Variants in NTM observed in about 807,000 individuals in gnomAD.
The protein encoded by NTM is neurotrimin, also known as IgLON family member 2.
In NTM, 13 loss-of-function variants were observed where a neutral mutation model predicts 42.1. The ratio of observed to expected loss-of-function variants is 0.31; its 90% confidence interval spans 0.20 to 0.49. The LOEUF is 0.49. NTM is among the 20% of genes least tolerant of loss of function. The pLI, the probability that NTM is intolerant of heterozygous loss-of-function variation, is 0.99. For synonymous variants in NTM, 187 were observed against 179.2 expected (o/e 1.04, Z -0.35); for missense variants, 373 against 452.8 (o/e 0.82, Z 1.60).
chr11:132,276,443 TG>T (rs34643009), intron 4 of NTM, among the ~76,000 whole-genome samples: 1 of 152,208 alleles, frequency 6.6e-6, no homozygotes. Flanking sequence ...GCTTGGCTTT[TG>T]GGGGGTGTCT....
At chr11:131,575,787 C>G (rs1356670405) in intron 1 of NTM, among the ~76,000 whole-genome samples, 2 of 152,088 alleles carry the variant, frequency 1.3e-5, no homozygotes, top group Admixed American at 1.3e-4. Flanking sequence ...ACCTGCAGCG[C>G]TTGGATGGCA....
chr11:131,854,613 C>T (rs373793589), intron 1 of NTM, among the ~76,000 whole-genome samples: 1 of 152,218 alleles, frequency 6.6e-6, no homozygotes, highest in African/African-American at 2.4e-5. Context: ...GTGCTTGGAG[C>T]CCAGTGTGGG....
At chr11:131,861,980 C>T (rs1044844793) in intron 1 of NTM, among the ~76,000 whole-genome samples, 1 of 152,176 alleles carries the variant, frequency 6.6e-6, no homozygotes, top group South Asian at 2.1e-4. Context: ...GGGGAGGCAT[C>T]CAGCTCACCT....
chr11:131,914,990 C>T (rs2056041128), intron 2 of NTM, among the ~76,000 whole-genome samples: 1 of 152,148 alleles, frequency 6.6e-6, no homozygotes, highest in Non-Finnish European at 1.5e-5. Flanking sequence ...ATGAAGGTGG[C>T]ACAGCTAGGA....
intron 2 of NTM, among the ~76,000 whole-genome samples, chr11:132,082,694 T>G (rs943556388): frequency 1.3e-5 from 2 of 152,186 alleles, no homozygotes; most frequent in Non-Finnish European, 2.9e-5. Flanking sequence ...AGGACAAGGA[T>G]GAAGACTGAT....
intron 1 of NTM, among the ~76,000 whole-genome samples, chr11:131,832,101 C>A (rs78463984): frequency 0.046 from 6,938 of 151,174 alleles, 548 homozygotes; most frequent in African/African-American, 0.16. Flanking sequence ...CCAAAACCTA[C>A]TCAAACTCCC....
intron 3 of NTM, among the ~76,000 whole-genome samples, chr11:132,208,850 C>A (rs1275720007): frequency 6.6e-6 from 1 of 152,142 alleles, no homozygotes; most frequent in African/African-American, 2.4e-5. Context: ...GTGACATAAT[C>A]CCTTGCAGAG....
intron 2 of NTM, among the ~76,000 whole-genome samples, chr11:131,999,601 C>T (rs552722534): frequency 7.2e-5 from 11 of 152,190 alleles, no homozygotes; most frequent in African/African-American, 1.7e-4. Context: ...GGAAAAGGGA[C>T]GCAGTCTTTG....
intron 2 of NTM, among the ~76,000 whole-genome samples, chr11:132,106,278 CCT>C (rs1346988957): frequency 1.3e-5 from 2 of 152,228 alleles, no homozygotes; most frequent in African/African-American, 4.8e-5. Context: ...CTCTTCCCGC[CCT>C]CTCTTTCCTT....
intron 1 of NTM, among the ~76,000 whole-genome samples, chr11:131,592,915 G>T (rs1371684535): frequency 1.3e-5 from 2 of 152,040 alleles, no homozygotes; most frequent in Non-Finnish European, 2.9e-5. Context: ...CCAATCTCCG[G>T]CCACGTCTGG....
At chr11:131,516,304 C>T (rs2048882493) in intron 1 of NTM, among the ~76,000 whole-genome samples, 1 of 152,186 alleles carries the variant, frequency 6.6e-6, no homozygotes, top group South Asian at 2.1e-4. Flanking sequence ...GCGTGTAGTA[C>T]ATTTCTAGGG....
At chr11:132,324,521 G>C (rs1040911531) in intron 7 of NTM, among the ~76,000 whole-genome samples, 9 of 151,856 alleles carry the variant, frequency 5.9e-5, no homozygotes, top group African/African-American at 2.2e-4. Flanking sequence ...TGAAATCAAA[G>C]AGGATACAAA....
intron 1 of NTM, among the ~76,000 whole-genome samples, chr11:131,687,817 C>T (rs2074100126): frequency 1.3e-5 from 2 of 152,220 alleles, no homozygotes; most frequent in African/African-American, 4.8e-5. Flanking sequence ...TCCTCCCTGG[C>T]CTCTGCTGTA....
chr11:131,769,999 C>G (rs78008015), intron 1 of NTM, among the ~76,000 whole-genome samples: 195 of 152,278 alleles, frequency 1.3e-3, no homozygotes, highest in African/African-American at 4.5e-3. Context: ...GCTGACCAGT[C>G]AGGCAGATCT....
At chr11:132,147,487 A>C (rs1249379314) in intron 3 of NTM, among the ~76,000 whole-genome samples, 2 of 152,168 alleles carry the variant, frequency 1.3e-5, no homozygotes, top group Admixed American at 1.3e-4. Context: ...AAACGTACTG[A>C]CATAGAAAAC....
intron 2 of NTM, among the ~76,000 whole-genome samples, chr11:132,119,321 A>G (rs2064380133): frequency 6.7e-6 from 1 of 149,786 alleles, no homozygotes; most frequent in African/African-American, 2.5e-5. Context: ...CACACTGTGC[A>G]GTAAGAAAAA....
intron 4 of NTM, among the ~76,000 whole-genome samples, chr11:132,285,834 C>T (rs538219449): frequency 2.6e-5 from 4 of 152,326 alleles, no homozygotes; most frequent in South Asian, 4.1e-4. Context: ...AGATGAGTCT[C>T]ACTCCACCAG....
chr11:131,753,212 A>T (rs1190084061), intron 1 of NTM, among the ~76,000 whole-genome samples: 2 of 152,286 alleles, frequency 1.3e-5, no homozygotes, highest in Admixed American at 1.3e-4. Context: ...CACCAGTTAG[A>T]ATGGCAATCA....
chr11:132,176,711 A>C (rs2137955182), intron 3 of NTM, among the ~76,000 whole-genome samples: 1 of 141,634 alleles, frequency 7.1e-6, no homozygotes, highest in Non-Finnish European at 1.5e-5. Context: ...AGTTGAGTAT[A>C]CATGCCTAAA....
Sources: allele counts gnomAD v4.1 joint callset (sites outside exome capture counted in the v4.1 genomes callset), GRCh38; gene constraint gnomAD v4.1.1; transcripts MANE v1.5; gene names NCBI Gene and HGNC (gene_info 2026-07-23, HGNC 2026-07-21).